RYR3: variants seen among roughly 807,000 people sequenced by gnomAD.
The protein encoded by RYR3 is ryanodine receptor 3.
A neutral mutation model predicts 584.3 loss-of-function variants in RYR3; 207 were observed. That is an observed-to-expected ratio of 0.35 (90% CI 0.32 to 0.40). RYR3 has a LOEUF of 0.40. RYR3 is among the 10% of genes least tolerant of loss of function. RYR3 has a pLI of 1.00. For missense variants in RYR3, 5,616 were observed against 6,089.2 expected, an observed-to-expected ratio of 0.92 and a Z score of 2.59; for synonymous variants, 2,416 against 2,248.5, an observed-to-expected ratio of 1.07 and a Z score of -2.11.
chr15:33,806,857 G>A (rs539507937), intron 69 of RYR3, among the ~76,000 whole-genome samples: 4 of 151,016 alleles, frequency 2.6e-5, no homozygotes, highest in South Asian at 2.1e-4. Context: ...GAGCTCAAGC[G>A]ATCCTCCTGC....
At chr15:33,638,166 A>T (rs2061602381) in intron 27 of RYR3, among the ~76,000 whole-genome samples, 1 of 152,242 alleles carries the variant, frequency 6.6e-6, no homozygotes, top group South Asian at 2.1e-4. Context: ...TTTTAAAGAA[A>T]TAACTCTGTT....
intron 29 of RYR3, among the ~76,000 whole-genome samples, chr15:33,646,783 C>G (rs1227663045): frequency 6.6e-6 from 1 of 152,238 alleles, no homozygotes; most frequent in Non-Finnish European, 1.5e-5. Context: ...TCTTCTTGAA[C>G]TCTGAGCCCC....
intron 1 of RYR3, among the ~76,000 whole-genome samples, chr15:33,336,434 GA>G (rs202174723): frequency 1.1e-4 from 2 of 18,752 alleles, no homozygotes; most frequent in Admixed American, 5.5e-4. Flanking sequence ...AAGAAAGAAA[GA>G]AAGAAAGAGA....
intron 11 of RYR3, among the ~76,000 whole-genome samples, chr15:33,565,796 C>T (rs2057682855): frequency 6.6e-6 from 1 of 152,138 alleles, no homozygotes. Context: ...AGGGAAAAAG[C>T]CCCTGACCTC....
intron 3 of RYR3, among the ~76,000 whole-genome samples, chr15:33,509,005 C>T (rs879918136): frequency 3.9e-5 from 6 of 152,112 alleles, no homozygotes; most frequent in Non-Finnish European, 7.3e-5. Context: ...ATGCTATATC[C>T]GTGTAAAGGT....
chr15:33,486,466 G>A (rs1203749451), intron 2 of RYR3, among the ~76,000 whole-genome samples: 1 of 152,106 alleles, frequency 6.6e-6, no homozygotes, highest in Non-Finnish European at 1.5e-5. Flanking sequence ...TTGTAAGAGG[G>A]CCTCCATCTC....
At chr15:33,478,770 C>T (rs145168903) in intron 2 of RYR3, among the ~76,000 whole-genome samples, 166 of 152,308 alleles carry the variant, frequency 1.1e-3, no homozygotes, top group African/African-American at 3.9e-3. Flanking sequence ...TCCCAACTTC[C>T]ACCTTTCTTA....
At chr15:33,798,123 G>C (rs1314502801) in intron 67 of RYR3, among the ~76,000 whole-genome samples, 1 of 151,624 alleles carries the variant, frequency 6.6e-6, no homozygotes, top group African/African-American at 2.4e-5. Context: ...GTCTTGCTCT[G>C]TGGCCCAGGC....
intron 16 of RYR3, among the ~76,000 whole-genome samples, 157 bp downstream of exon 16, chr15:33,586,273 T>C (rs892085863): frequency 6.6e-6 from 1 of 152,142 alleles, no homozygotes; most frequent in African/African-American, 2.4e-5. Flanking sequence ...ATACAAGCAC[T>C]CTCCAAGCTG....
chr15:33,450,807 C>T (rs1195062315), intron 1 of RYR3, among the ~76,000 whole-genome samples: 1 of 152,150 alleles, frequency 6.6e-6, no homozygotes, highest in East Asian at 1.9e-4. Context: ...GCGCAAACCA[C>T]AGGAAACAGT....
At chr15:33,738,343 C>T (rs937611867) in intron 49 of RYR3, 107 bp from the exon 50 acceptor site, 1 of 1,155,904 alleles carries the variant, frequency 8.7e-7, no homozygotes, top group African/African-American at 1.6e-5. Flanking sequence ...TCGCATGTTT[C>T]ATTCTCATGG....
At chr15:33,566,840 T>C (rs1161399792) in intron 12 of RYR3, 41 bp downstream of exon 12, 1 of 1,610,882 alleles carries the variant, frequency 6.2e-7, no homozygotes, top group East Asian at 2.2e-5. Context: ...TGAGTTTGAC[T>C]CTGTGGCCTG....
intron 1 of RYR3, among the ~76,000 whole-genome samples, chr15:33,434,636 G>A (rs935155692): frequency 2.0e-5 from 3 of 151,940 alleles, no homozygotes; most frequent in African/African-American, 7.3e-5. Context: ...CTGAACACTC[G>A]CATACTTGCT....
At chr15:33,456,790 G>T (rs539802972) in intron 1 of RYR3, among the ~76,000 whole-genome samples, 15 of 152,262 alleles carry the variant, frequency 9.9e-5, no homozygotes, top group South Asian at 2.1e-4. Context: ...TGCTGAATCA[G>T]AAATCATCAG....
chr15:33,677,472 C>CA (rs1196087951), intron 38 of RYR3, among the ~76,000 whole-genome samples: 2 of 152,190 alleles, frequency 1.3e-5, no homozygotes, highest in Non-Finnish European at 2.9e-5. Context: ...TTTTCCCCAC[C>CA]ATCATCATCG....
At chr15:33,774,662 C>A (rs1053121647) in intron 64 of RYR3, among the ~76,000 whole-genome samples, 6 of 152,264 alleles carry the variant, frequency 3.9e-5, no homozygotes, top group Non-Finnish European at 5.9e-5. Context: ...TTCCAGAATA[C>A]AAGAAATTGA....
intron 3 of RYR3, among the ~76,000 whole-genome samples, chr15:33,520,204 T>A (rs2053875773): frequency 6.6e-6 from 1 of 152,192 alleles, no homozygotes; most frequent in Non-Finnish European, 1.5e-5. Context: ...CAGGGTTTTA[T>A]GATAAAAAAC....
At chr15:33,517,003 A>AT (rs1567425948) in intron 3 of RYR3, among the ~76,000 whole-genome samples, 1 of 151,932 alleles carries the variant, frequency 6.6e-6, no homozygotes, top group African/African-American at 2.4e-5. Flanking sequence ...TATTATTATT[A>AT]TTTTTTGAGA....
In RYR3 at chr15:33,845,068, C is replaced by A. The variant is rs116123066; in HGVS notation, c.13497+6C>A. On this transcript the variant is annotated splice_donor_region_variant and intron_variant, in intron 93 of 103. Coordinates refer to ENST00000634891, the MANE Select transcript of RYR3 (RefSeq NM_001036.6). ...TGGGCTACTACTGCCTGAAGGTGAG[C>A]TGTTTGCCACTCTGGATCTAATCTC... is the stretch of plus-strand genomic sequence containing the variant. 5.0e-6 allele frequency: 8 copies of A among 1,613,284 alleles called. No homozygotes were observed. In the East Asian group the frequency reaches 1.8e-4, roughly 36 times the overall value.
Sources: allele counts gnomAD v4.1 joint callset (sites outside exome capture counted in the v4.1 genomes callset), GRCh38; gene constraint gnomAD v4.1.1; transcripts MANE v1.5; gene names NCBI Gene and HGNC (gene_info 2026-07-23, HGNC 2026-07-21).